Variants in PSG7 observed in about 807,000 individuals in gnomAD.
PSG7 encodes pregnancy specific beta-1-glycoprotein 7.
PSG7 carries 57 observed loss-of-function variants against 45.6 expected under a neutral mutation model. The ratio of observed to expected loss-of-function variants is 1.25; its 90% confidence interval spans 1.01 to 1.56. The LOEUF (loss-of-function observed/expected upper bound fraction) is 1.56, where lower values mean the gene tolerates loss of function less well. Ranked by LOEUF, PSG7 falls within the 40% of genes most tolerant of loss-of-function variation. The pLI, the probability that PSG7 is intolerant of heterozygous loss-of-function variation, is 0.00. For synonymous variants in PSG7, 298 were observed against 194.4 expected (o/e 1.53, Z -4.43); for missense variants, 796 against 508.4 (o/e 1.57, Z -5.44).
rs764991861 is a variant in PSG7, at chr19:42,926,644, G to A, written c.782C>T (p.Thr261Ile). Residue 261 changes from threonine (T) to isoleucine (I), a missense_variant, in exon 4 of 6, where the codon ACC becomes ATC. Thr to Ile is a moderately conservative substitution (Grantham distance 89). Coordinates refer to ENST00000406070, the MANE Select transcript of PSG7 (RefSeq NM_002783.3). ...GTAGTTCTCACTCTTAGGTTCACAGGTGAAGGTTGAGACATCCTTATTCTC... is the reference window on the plus strand; with the variant it reads ...GTAGTTCTCACTCTTAGGTTCACAGATGAAGGTTGAGACATCCTTATTCTC... ...PRENKDVSTF[T>I]CEPKSENYTY... 6 of 1,610,014 alleles carry A rather than the reference G, an allele frequency of 3.7e-6. No homozygotes were observed. The highest frequency in any genetic ancestry group is 1.7e-5 in the Admixed American group (1 of 59,868).
At position 42,930,213 on chromosome 19, in the gene PSG7, C is replaced by T. The variant is rs928048724; in HGVS notation, c.431-493G>A. Among the ~76,000 whole-genome samples, 6 of 151,712 alleles carry T rather than the reference C, an allele frequency of 4.0e-5. No individual in the cohort carries two copies. The East Asian group carries it at 9.7e-4, about 25-fold the overall frequency. The stretch of plus-strand genomic sequence containing the variant: ...CCCTTTGGGTACTGGAAAGCCTGGC[C>T]TGGGACTGGGTACTTCAGCAGAAAT... On this transcript the variant is annotated intron_variant, in intron 2 of 5. Coordinates refer to ENST00000406070, the MANE Select transcript of PSG7 (RefSeq NM_002783.3).
At chr19:42,931,388 G>C (rs1484720394) in intron 2 of PSG7, among the ~76,000 whole-genome samples, 3 of 151,460 alleles carry the variant, frequency 2.0e-5, no homozygotes, top group Non-Finnish European at 2.9e-5. Flanking sequence ...CCCGTTAAAA[G>C]GACAGAACTG....
chr19:42,927,992 C>T (rs574471724), intron 3 of PSG7, among the ~76,000 whole-genome samples: 1 of 151,700 alleles, frequency 6.6e-6, no homozygotes, highest in Admixed American at 6.6e-5. Context: ...GATTCAAAGT[C>T]TAAGATGCTT....
chr19:42,931,335 G>C (rs1169467466), intron 2 of PSG7, among the ~76,000 whole-genome samples: 1 of 146,696 alleles, frequency 6.8e-6, no homozygotes, highest in Non-Finnish European at 1.5e-5. Context: ...AAAGAAAGAT[G>C]CCAAAGGTGA....
Position 42,926,692 on chromosome 19 carries a change from G to C in PSG7, c.734C>G (p.Thr245Ser), listed in dbSNP as rs144994700. Residue 245 changes from threonine (T) to serine (S), a missense_variant, in exon 4 of 6, where the codon ACC becomes AGC. By Grantham distance (58) the Thr-to-Ser change is moderately conservative (BLOSUM62 1). Coordinates refer to ENST00000406070, the MANE Select transcript of PSG7 (RefSeq NM_002783.3). Reference protein sequence around the residue: ...LLPKLPKPYITINNLNPRENK... With the variant: ...LLPKLPKPYISINNLNPRENK... Reference sequence around the variant, plus strand: ...CTCCCTGGGGTTTAAGTTATTGATGGTGATGTAGGGCTTGGGCAGCTTCGC... The same window carrying C: ...CTCCCTGGGGTTTAAGTTATTGATGCTGATGTAGGGCTTGGGCAGCTTCGC... The C allele has an allele frequency of 6.2e-7, 1 of 1,610,380 alleles. No homozygotes were observed. Among genetic ancestry groups the C allele is most frequent in the Admixed American group, 1.7e-5 (1 of 59,882 alleles).
intron 3 of PSG7, chr19:42,926,919 C>G (rs1331939253): frequency 2.4e-5 from 25 of 1,042,222 alleles, no homozygotes; most frequent in Non-Finnish European, 2.7e-5. Flanking sequence ...CTTAGGGAAG[C>G]ATAGACTTTC....
At chr19:42,926,992 C>T (rs186635181) in intron 3 of PSG7, 18 of 564,032 alleles carry the variant, frequency 3.2e-5, no homozygotes, top group East Asian at 9.9e-5. Context: ...AGTCACAGCG[C>T]CTGGTACCCC....
intron 5 of PSG7, 55 bp downstream of exon 5, chr19:42,925,718 A>G (rs1244079666): frequency 1.9e-6 from 3 of 1,609,436 alleles, no homozygotes; most frequent in South Asian, 1.1e-5. Context: ...TTTCTCTGAA[A>G]GTCAGATAGA....
In PSG7 at chr19:42,925,948, C is replaced by T. The variant is rs371031071; in HGVS notation, c.1068G>A (p.Ala356=). The T allele has an allele frequency of 7.4e-6, 12 of 1,612,008 alleles. No homozygotes were observed. Among genetic ancestry groups the T allele is most frequent in the African/African-American group, 4.0e-5 (3 of 74,588 alleles). The change falls in exon 5 of 6, where the codon GCG becomes GCA. Residue 356 remains alanine (A), a synonymous_variant. Coordinates refer to ENST00000406070, the MANE Select transcript of PSG7 (RefSeq NM_002783.3). The part of the protein sequence containing the change: ...SGQNLYLSCF[A]DSNPPAQYSW... ...AATACTGTGCCGGTGGGTTAGAGTC[C>T]GCAAAGCAGGACAAGTAGAGGTTTT...
intron 2 of PSG7, 122 bp from the exon 3 acceptor site, chr19:42,929,842 CAGGTGTGTGT>C (rs1972981634): frequency 7.1e-7 from 1 of 1,408,450 alleles, no homozygotes; most frequent in Non-Finnish European, 9.6e-7. Flanking sequence ...AAGCCCATGG[CAGGTGTGTGT>C]GTTACAAGAC....
chr19:42,924,662 G>A lies in PSG7; in HGVS notation c.*146C>T. ...GGTGTTGAACATTTTGGTGAGTTCT[G>A]AGTGGCTCAGACATCAGGTACAAGG... On this transcript the variant is annotated 3_prime_UTR_variant, in exon 6 of 6. Coordinates refer to ENST00000406070, the MANE Select transcript of PSG7 (RefSeq NM_002783.3). The A allele has an allele frequency of 1.3e-6, 1 of 749,742 alleles. No individual in the cohort carries two copies. Among genetic ancestry groups the A allele is most frequent in the East Asian group, 2.4e-5 (1 of 40,996 alleles). 46.4% of individuals were successfully genotyped at this position (749,742 alleles called of 1,614,324 possible).
In PSG7 at chr19:42,929,666, G is replaced by C. The variant is rs193095918; in HGVS notation, c.485C>G (p.Thr162Arg). The part of the protein sequence containing the change: ...SSSNFNPREA[T>R]EAVILTCDPE... ...ATCACAGGTTAAAATCACAGCCTCCGTGGCCTCCCTGGGGTTGAAATTGCT... is the reference window on the plus strand; with the variant it reads ...ATCACAGGTTAAAATCACAGCCTCCCTGGCCTCCCTGGGGTTGAAATTGCT... The change falls in exon 3 of 6, where the codon ACG becomes AGG. Residue 162 changes from threonine (T) to arginine (R), a missense_variant. Physicochemically the swap from Thr to Arg is moderately conservative, Grantham distance 71. Coordinates refer to ENST00000406070, the MANE Select transcript of PSG7 (RefSeq NM_002783.3). 1.9e-6 allele frequency: 3 copies of C among 1,612,414 alleles called. No homozygotes were observed. Among genetic ancestry groups the C allele is most frequent in the Non-Finnish European group, 2.5e-6 (3 of 1,179,158 alleles).
rs1212721524 is a variant in PSG7 at position 42,924,480 on chromosome 19, T to C, written c.*328A>G. On this transcript the variant is annotated 3_prime_UTR_variant, in exon 6 of 6. Coordinates refer to ENST00000406070, the MANE Select transcript of PSG7 (RefSeq NM_002783.3). The stretch of plus-strand genomic sequence containing the variant: ...TGAAATTCTAATGACTGCATTATCC[T>C]GCCAAGTGAAAGAGGCAGGCACAAG... The C allele has an allele frequency of 2.7e-5, 15 of 559,644 alleles. No homozygotes were observed. The Admixed American group carries it at 4.1e-4, about 15-fold the overall frequency. 34.7% of individuals were successfully genotyped at this position (559,644 alleles called of 1,614,324 possible).
At chr19:42,935,884 A>G (rs1354544519) in intron 1 of PSG7, 115 bp from the exon 2 acceptor site, 1 of 1,123,404 alleles carries the variant, frequency 8.9e-7, no homozygotes, top group Non-Finnish European at 1.2e-6. Flanking sequence ...ACACACACAC[A>G]CACACACACA....
In PSG7 at chr19:42,933,964, T is replaced by C. The variant is rs1432793968; in HGVS notation, c.430+1440A>G. ...CAGGTGTGGCTAGAAACTCCTGGGA[T>C]TCTGCATCCAAGATCCAGTCTCTAA... On this transcript the variant is annotated intron_variant, in intron 2 of 5. Coordinates refer to ENST00000406070, the MANE Select transcript of PSG7 (RefSeq NM_002783.3). 1.3e-5 allele frequency among the ~76,000 whole-genome samples: 2 copies of C among 151,484 alleles called. 1 individual carries two copies. Among genetic ancestry groups the C allele is most frequent in the African/African-American group, 4.9e-5 (2 of 41,172 alleles).
intron 2 of PSG7, among the ~76,000 whole-genome samples, chr19:42,931,981 T>A (rs147810030): frequency 6.6e-6 from 1 of 151,562 alleles, no homozygotes; most frequent in Non-Finnish European, 1.5e-5. Context: ...CACAGCTGTG[T>A]GCAGTCTACC....
In PSG7 at chr19:42,929,442, G is replaced by A. The variant is rs373134042; in HGVS notation, c.709C>T (p.Pro237Ser). The A allele has an allele frequency of 6.5e-5, 104 of 1,612,204 alleles. 3 individuals carry two copies. The highest frequency in any genetic ancestry group is 8.2e-5 in the Non-Finnish European group (97 of 1,179,056). ...TAACAGAGGAACAGAAGATACTCAC[G>A]GAGGAGATTCAGGGTGACTGGGTCA... ...RSDPVTLNLLPKLPKPYITIN... is the reference protein window; with the variant it reads ...RSDPVTLNLLSKLPKPYITIN... The change falls in exon 3 of 6, where the codon CCG becomes TCG. Residue 237 changes from proline to serine, a missense_variant and splice_region_variant. Coordinates refer to ENST00000406070, the MANE Select transcript of PSG7 (RefSeq NM_002783.3).
At position 42,936,104 on chromosome 19, in the gene PSG7, C is replaced by T. The variant is rs575428890; in HGVS notation, c.65-335G>A. 2.1e-3 allele frequency: 619 copies of T among 299,002 alleles called. 10 individuals carry two copies. Among genetic ancestry groups the T allele is most frequent in the African/African-American group, 0.012 (576 of 47,190 alleles). The allele number at this position is 299,002 out of a possible 1,614,324, so 18.5% of individuals were successfully genotyped here. Reference sequence around the variant, plus strand: ...CACTGCCCTCAGGTTCTGCTCACATCAGGGCATCCTTAGACTTCTTTCCTG... The same window carrying T: ...CACTGCCCTCAGGTTCTGCTCACATTAGGGCATCCTTAGACTTCTTTCCTG... On this transcript the variant is annotated intron_variant, in intron 1 of 5. Coordinates refer to ENST00000406070, the MANE Select transcript of PSG7 (RefSeq NM_002783.3).
At chr19:42,931,579 A>C (rs1391242439) in intron 2 of PSG7, among the ~76,000 whole-genome samples, 4 of 151,634 alleles carry the variant, frequency 2.6e-5, no homozygotes, top group Non-Finnish European at 4.4e-5. Flanking sequence ...AAGCTCAGGA[A>C]ACACCACTAG....
Sources: gnomAD v4.1 joint callset for allele counts (sites outside exome capture counted in the v4.1 genomes callset) on GRCh38, gnomAD v4.1.1 for gene constraint, MANE v1.5 for transcripts, NCBI Gene and HGNC (gene_info 2026-07-23, HGNC 2026-07-21) for gene names.